RSPH1: variants seen among roughly 807,000 people sequenced by gnomAD.
RSPH1 encodes the protein radial spoke head component 1.
Under a neutral mutation model 44.2 loss-of-function variants are expected in RSPH1, and 32 were observed. The ratio of observed to expected loss-of-function variants is 0.72; its 90% CI spans 0.55 to 0.97. RSPH1 has a LOEUF of 0.97. Ranked by LOEUF, RSPH1 falls within the 50% of genes least tolerant of loss-of-function variation. RSPH1 has a pLI of 0.00. For missense variants in RSPH1, 391 were observed against 398.7 expected, an observed-to-expected ratio of 0.98 and a Z score of 0.16; for synonymous variants, 134 against 147.3, an observed-to-expected ratio of 0.91 and a Z score of 0.65.
chr21:42,484,537 A>G (rs1168010521), intron 5 of RSPH1: 1 of 152,230 alleles, frequency 6.6e-6, no homozygotes, highest in East Asian at 1.9e-4. Flanking sequence ...TGACACACAG[A>G]AATAGTGTGG....
In RSPH1 at chr21:42,481,324, G is replaced by A. The variant is rs375083521; in HGVS notation, c.573+1313C>T. 2.8e-4 allele frequency among the ~76,000 whole-genome samples: 43 copies of A among 152,224 alleles called. 1 individual carries two copies. The South Asian group carries it at 8.3e-3, about 29-fold the overall frequency. On this transcript the variant is annotated intron_variant, in intron 6 of 8. Coordinates refer to ENST00000291536, the MANE Select transcript of RSPH1 (RefSeq NM_080860.4). ...CTTCCTGAGACCTCACCAGAGGCCAGGCAGTTGCGGGTGCCATGCTTCTTG... is the reference window on the plus strand; with the variant it reads ...CTTCCTGAGACCTCACCAGAGGCCAAGCAGTTGCGGGTGCCATGCTTCTTG...
intron 6 of RSPH1, among the ~76,000 whole-genome samples, chr21:42,480,640 C>CAAAAAAAAAA (rs780506820): frequency 2.6e-5 from 1 of 38,744 alleles, no homozygotes; most frequent in Admixed American, 3.3e-4. Flanking sequence ...AACTCCATCT[C>CAAAAAAAAAA]AAAAAAAAAA....
At chr21:42,496,047 T>G (rs1415162576) in intron 1 of RSPH1, 86 bp downstream of exon 1, 4 of 1,494,712 alleles carry the variant, frequency 2.7e-6, no homozygotes, top group Non-Finnish European at 3.7e-6. Flanking sequence ...CTCTGGTTTC[T>G]GCGCCTCCTC....
Position 42,474,106 on chromosome 21 carries a change from A to G in RSPH1, c.878-1236T>C, listed in dbSNP as rs184629006. Among the ~76,000 whole-genome samples the G allele has an allele frequency of 1.3e-5, 2 of 152,224 alleles. No individual in the cohort carries two copies. Among genetic ancestry groups the G allele is most frequent in the East Asian group, 3.9e-4 (2 of 5,184 alleles). On this transcript the variant is annotated intron_variant, in intron 8 of 8. Transcript: ENST00000291536. The surrounding 1 kb of genome is among the most constrained non-coding windows in gnomAD (Gnocchi z 5.2). ...GGGGCCTCCTGCCTTGCCTGGCTCC[A>G]GGGCACCCATCCTCATTGCCCCAGA...
At chr21:42,495,296 G>A (rs2146667844) in intron 1 of RSPH1, among the ~76,000 whole-genome samples, 1 of 152,362 alleles carries the variant, frequency 6.6e-6, no homozygotes, top group Non-Finnish European at 1.5e-5. Context: ...GCTGGGAGAT[G>A]AGTGCCCAGA....
intron 1 of RSPH1, 108 bp from the exon 2 acceptor site, chr21:42,493,187 C>G (rs932706174): frequency 1.1e-6 from 1 of 895,368 alleles, no homozygotes; most frequent in Non-Finnish European, 1.8e-6. Flanking sequence ...TATGCTAAAC[C>G]CCCGGCACTA....
intron 7 of RSPH1, 43 bp from the exon 8 acceptor site, chr21:42,476,090 A>T: frequency 6.2e-7 from 1 of 1,610,242 alleles, no homozygotes; most frequent in Non-Finnish European, 8.5e-7. Flanking sequence ...CCTGGGAAAA[A>T]TGGAGCCTGC....
chr21:42,490,197 C>T (rs989819421), intron 3 of RSPH1, among the ~76,000 whole-genome samples: 23 of 151,998 alleles, frequency 1.5e-4, no homozygotes, highest in Non-Finnish European at 2.5e-4. Context: ...CACCCAGGAC[C>T]GTCTCCCCAC....
At position 42,482,514 on chromosome 21, in the gene RSPH1, T is replaced by C. The variant is rs77804867; in HGVS notation, c.573+123A>G. Reference sequence around the variant, plus strand: ...CACATGCAGATAAGGAAAATGAAAATGTGAAAGTGCCTAAGAGTTGGCATA... The same window carrying C: ...CACATGCAGATAAGGAAAATGAAAACGTGAAAGTGCCTAAGAGTTGGCATA... On this transcript the variant is annotated intron_variant, in intron 6 of 8. Coordinates refer to ENST00000291536, the MANE Select transcript of RSPH1 (RefSeq NM_080860.4). 2.9e-3 allele frequency: 1,863 copies of C among 645,130 alleles called. 39 individuals carry two copies. The African/African-American group carries it at 0.029, about 10-fold the overall frequency. The allele number at this position is 645,130 out of a possible 1,614,324, so 40.0% of individuals were successfully genotyped here. A position where few individuals can be genotyped will look rare whatever the true frequency, so the allele number is the denominator to read the frequency against.
chr21:42,492,489 G>C (rs867190278), intron 3 of RSPH1, among the ~76,000 whole-genome samples: 11 of 152,194 alleles, frequency 7.2e-5, no homozygotes, highest in African/African-American at 2.7e-4. Flanking sequence ...GTCCACTCAG[G>C]AGCCTCCCTT....
At chr21:42,491,631 T>C (rs2054236730) in intron 3 of RSPH1, among the ~76,000 whole-genome samples, 1 of 152,192 alleles carries the variant, frequency 6.6e-6, no homozygotes, top group Admixed American at 6.5e-5. Flanking sequence ...CTGGGATTTA[T>C]GAAACAAAAC....
At chr21:42,476,659 C>T (rs138841935) in intron 7 of RSPH1, among the ~76,000 whole-genome samples, 338 of 152,152 alleles carry the variant, frequency 2.2e-3, no homozygotes, top group Admixed American at 4.4e-3. Flanking sequence ...AGTGCCAGCC[C>T]GGGGTCACAC....
In RSPH1 at chr21:42,475,624, G is replaced by C. The variant is rs7276676; in HGVS notation, c.877+274C>G. Among the ~76,000 whole-genome samples, 710 of 146,602 alleles carry C rather than the reference G, an allele frequency of 4.8e-3. 11 individuals are homozygous for C. Among genetic ancestry groups the C allele is most frequent in the African/African-American group, 0.017 (673 of 39,800 alleles). ...AAGCCAGGCTCTGCATGTCTGACAG[G>C]GCTCTCCAGCCTGGGGTCGGTCCTC... On this transcript the variant is annotated intron_variant, in intron 8 of 8. Transcript: ENST00000291536.
rs1158122392 is a variant in RSPH1 at position 42,472,583 on chromosome 21, T to G, written c.*235A>C. On this transcript the variant is annotated 3_prime_UTR_variant, in exon 9 of 9. Transcript: ENST00000291536. ...AGACTAAAAACCCTCTAATAAAGAT[T>G]GTTAACTGACAGAAGCATTTTGTTT... The G allele has an allele frequency of 2.6e-6, 1 of 382,608 alleles. No homozygotes were observed. Among genetic ancestry groups the G allele is most frequent in the East Asian group, 4.4e-5 (1 of 22,988 alleles). The allele number at this position is 382,608 out of a possible 1,614,324, so 23.7% of individuals were successfully genotyped here.
chr21:42,479,083 C>A (rs2054099974), intron 6 of RSPH1, among the ~76,000 whole-genome samples: 1 of 152,202 alleles, frequency 6.6e-6, no homozygotes, highest in Admixed American at 6.5e-5. Flanking sequence ...CTGAATGCCA[C>A]TGAAAGCATG....
chr21:42,492,913 G>A (rs1222370688), intron 2 of RSPH1, 50 bp from the exon 3 acceptor site: 4 of 1,581,006 alleles, frequency 2.5e-6, no homozygotes, highest in Non-Finnish European at 3.5e-6. Flanking sequence ...TGTAGCATTT[G>A]CTAACAGAGT....
intron 3 of RSPH1, among the ~76,000 whole-genome samples, chr21:42,488,596 A>C (rs1489744573): frequency 6.6e-6 from 1 of 152,176 alleles, no homozygotes; most frequent in African/African-American, 2.4e-5. Flanking sequence ...TTGCAGAAAA[A>C]TTTCAAAAAT....
chr21:42,482,762 A>C (rs1425929716), intron 5 of RSPH1, 54 bp from the exon 6 acceptor site: 16 of 1,335,374 alleles, frequency 1.2e-5, no homozygotes, highest in Non-Finnish European at 1.6e-5. Flanking sequence ...GAAAATACAA[A>C]ATACAAATGT....
intron 1 of RSPH1, among the ~76,000 whole-genome samples, chr21:42,495,091 C>T (rs1428306375): frequency 6.6e-6 from 1 of 152,232 alleles, no homozygotes; most frequent in Non-Finnish European, 1.5e-5. Context: ...GATGCCTTTG[C>T]AGGTGAAGTC....
Sources: gnomAD v4.1 joint callset for allele counts (sites outside exome capture counted in the v4.1 genomes callset) on GRCh38, gnomAD v4.1.1 for gene constraint, Gnocchi (gnomAD v3.1) non-coding constraint, MANE v1.5 for transcripts, NCBI Gene and HGNC (gene_info 2026-07-23, HGNC 2026-07-21) for gene names.